Variants in PCDHGA11 observed in about 807,000 individuals in gnomAD.
PCDHGA11 encodes protocadherin gamma-A11.
A neutral mutation model predicts 60.4 loss-of-function variants in PCDHGA11; 39 were observed. The observed-to-expected ratio is 0.65, with a 90% CI of 0.50 to 0.84. PCDHGA11 has a LOEUF of 0.84. Among genes scored for constraint, PCDHGA11 ranks in the 40% least tolerant of loss-of-function variants. The probability of loss-of-function intolerance (pLI) is 0.00; values close to 1 mark genes in which losing one functional copy is unlikely to be tolerated. For synonymous variants in PCDHGA11, 533 were observed against 510.3 expected (o/e 1.04, Z -0.60); for missense variants, 1,165 against 1,197.7 (o/e 0.97, Z 0.40).
At position 141,489,425 on chromosome 5, in the gene PCDHGA11, G is replaced by C. The variant is rs779739693; in HGVS notation, c.2434-5382G>C. On this transcript the variant is annotated intron_variant, in intron 1 of 3. Transcript: ENST00000398587. This position sits in a 1 kb window ranked among gnomAD's most constrained non-coding sequence, Gnocchi z 4.5. ...TTAAAGATGACAGATCTGTTGAGCC[G>C]GCGGCTGCAATTGGGCTCTGAGGAG... The C allele has an allele frequency of 4.3e-6, 7 of 1,614,118 alleles. No individual in the cohort carries two copies. The highest frequency in any genetic ancestry group is 1.1e-5 in the South Asian group (1 of 91,070).
chr5:141,496,589 G>A (rs914585858), intron 2 of PCDHGA11, among the ~76,000 whole-genome samples: 7 of 152,124 alleles, frequency 4.6e-5, no homozygotes, highest in Admixed American at 6.5e-5. Flanking sequence ...AACGCAAAGC[G>A]CTTCTTAGAA....
At position 141,512,765 on chromosome 5, in the gene PCDHGA11, G is replaced by C. The variant is rs988707269; in HGVS notation, c.*1592G>C. 1 of 152,668 alleles carries C rather than the reference G, an allele frequency of 6.6e-6. No individual in the cohort carries two copies. The highest frequency in any genetic ancestry group is 1.5e-5 in the Non-Finnish European group (1 of 68,460). The allele number at this position is 152,668 out of a possible 1,614,324, so 9.5% of individuals were successfully genotyped here. On this transcript the variant is annotated 3_prime_UTR_variant, in exon 4 of 4. Transcript: ENST00000398587. ...CCGCGCAGCCGTCTGTCCTTGATCT[G>C]CCCGCGGCGGCCCGTGTTGTGTTTT...
At chr5:141,481,441 T>C (rs1397908285) in intron 1 of PCDHGA11, among the ~76,000 whole-genome samples, 1 of 152,250 alleles carries the variant, frequency 6.6e-6, no homozygotes, top group East Asian at 1.9e-4. Context: ...ATCAGTTTAG[T>C]ACATGTAAAT....
Position 141,423,558 on chromosome 5 carries a change from G to T in PCDHGA11, c.2331G>T (p.Gly777=). 2 of 1,613,580 alleles carry T rather than the reference G, an allele frequency of 1.2e-6. No homozygotes were observed. Among genetic ancestry groups the T allele is most frequent in the Non-Finnish European group, 1.7e-6 (2 of 1,179,696 alleles). ...TGATTTTCCCCCAGCCCAACTATGG[G>T]GACACGCTCATCAGCCAGGAGAGCT... The part of the protein sequence containing the change: ...SHLIFPQPNY[G]DTLISQESCE... Residue 777 remains glycine, a synonymous_variant, in exon 1 of 4, where the codon GGG becomes GGT. Transcript: ENST00000398587.
intron 1 of PCDHGA11, among the ~76,000 whole-genome samples, chr5:141,466,800 C>T (rs189985735): frequency 6.6e-6 from 1 of 152,240 alleles, no homozygotes; most frequent in East Asian, 1.9e-4. Context: ...AAACTAGATC[C>T]TATTCAGACA....
rs773899530 is a variant in PCDHGA11 at position 141,494,864 on chromosome 5, G to A, written c.2491G>A (p.Gly831Ser). 1.6e-5 allele frequency: 26 copies of A among 1,613,950 alleles called. No individual in the cohort carries two copies. The Admixed American group carries it at 3.5e-4, about 22-fold the overall frequency. Reference protein sequence around the residue: ...FSQAQRPGTSGSQNGDDTGTW... With the variant: ...FSQAQRPGTSSSQNGDDTGTW... ...TCAGGCCCAGAGACCCGGCACCAGC[G>A]GGTAGGTGACTGATTCTCCAGCCCA... Residue 831 changes from glycine to serine, a missense_variant and splice_region_variant, in exon 2 of 4, where the codon GGC (glycine) becomes AGC (serine). Gly to Ser is a moderately conservative substitution (Grantham distance 56, BLOSUM62 0). Coordinates refer to ENST00000398587, the MANE Select transcript of PCDHGA11 (RefSeq NM_018914.3).
At chr5:141,463,587 T>TA (rs2099064735) in intron 1 of PCDHGA11, among the ~76,000 whole-genome samples, 1 of 152,058 alleles carries the variant, frequency 6.6e-6, no homozygotes, top group East Asian at 1.9e-4. Context: ...TAGCTGGGAC[T>TA]ACAGGTGCCT....
In PCDHGA11 at chr5:141,490,052, A is replaced by G. The variant is rs774710472; in HGVS notation, c.2434-4755A>G. 11 of 1,614,098 alleles carry G rather than the reference A, an allele frequency of 6.8e-6. No homozygotes were observed. The highest frequency in any genetic ancestry group is 9.3e-6 in the Non-Finnish European group (11 of 1,180,014). On this transcript the variant is annotated intron_variant, in intron 1 of 3. Transcript: ENST00000398587. The surrounding 1 kb of genome is among the most constrained non-coding windows in gnomAD (Gnocchi z 5.4). ...CGCCTCAATGCCACTGATCCAGACG[A>G]GGGCACCAACGGCCAACTAGACTAT... is the stretch of plus-strand genomic sequence containing the variant.
intron 3 of PCDHGA11, among the ~76,000 whole-genome samples, chr5:141,506,904 C>T (rs55892286): frequency 0.2 from 30,589 of 152,050 alleles, 3,131 homozygotes; most frequent in Middle Eastern, 0.24. Flanking sequence ...ACTGTCATCA[C>T]ACCTGGGCAC....
chr5:141,446,130 CTT>C (rs1191897284), intron 1 of PCDHGA11, among the ~76,000 whole-genome samples: 2 of 152,076 alleles, frequency 1.3e-5, no homozygotes, highest in African/African-American at 4.8e-5. Context: ...TTCAATAAGA[CTT>C]AATAATGGAA....
Position 141,423,157 on chromosome 5 carries a change from G to C in PCDHGA11, c.1930G>C (p.Val644Leu), listed in dbSNP as rs527921011. The C allele has an allele frequency of 7.4e-6, 12 of 1,610,820 alleles. No homozygotes were observed. The South Asian group carries it at 1.2e-4, about 16-fold the overall frequency. ...LDRDALKQSL[V>L]VAVQDHGQPP... ...CAGAGACGCGCTCAAGCAGAGCCTC[G>C]TGGTGGCCGTCCAGGACCACGGCCA... Residue 644 changes from valine (V) to leucine (L), a missense_variant, in exon 1 of 4, where the codon GTG (valine) becomes CTG (leucine). Coordinates refer to ENST00000398587, the MANE Select transcript of PCDHGA11 (RefSeq NM_018914.3).
At chr5:141,427,635 C>T in intron 1 of PCDHGA11, 1 of 706,280 alleles carries the variant, frequency 1.4e-6, no homozygotes, top group African/African-American at 1.7e-5. Context: ...TCCGGTTTTC[C>T]ACCAAGTCTC....
At position 141,487,465 on chromosome 5, in the gene PCDHGA11, T is replaced by C. The variant is rs1354086784; in HGVS notation, c.2434-7342T>C. 1.9e-6 allele frequency: 3 copies of C among 1,614,194 alleles called. No individual in the cohort carries two copies. The highest frequency in any genetic ancestry group is 1.7e-6 in the Non-Finnish European group (2 of 1,180,020). Reference sequence around the variant, plus strand: ...CAGATGACCCTATCAAGTTTGTTGATGTGGGAGGCCACTCTCATGGCTGTA... The same window carrying C: ...CAGATGACCCTATCAAGTTTGTTGACGTGGGAGGCCACTCTCATGGCTGTA... On this transcript the variant is annotated intron_variant, in intron 1 of 3. Transcript: ENST00000398587. The surrounding 1 kb of genome is among the most constrained non-coding windows in gnomAD (Gnocchi z 5.0).
At position 141,431,215 on chromosome 5, in the gene PCDHGA11, C is replaced by G. The variant is rs1225114172; in HGVS notation, c.2433+7555C>G. 1 of 1,614,184 alleles carries G rather than the reference C, an allele frequency of 6.2e-7. No individual in the cohort carries two copies. Among genetic ancestry groups the G allele is most frequent in the Admixed American group, 1.7e-5 (1 of 60,032 alleles). On this transcript the variant is annotated intron_variant, in intron 1 of 3. Coordinates refer to ENST00000398587, the MANE Select transcript of PCDHGA11 (RefSeq NM_018914.3). This position sits in a 1 kb window ranked among gnomAD's most constrained non-coding sequence, Gnocchi z 4.8. ...AAAATGCAGCCACTGAGATGCGGTTCCCTCTACCCCACGCCTGGGATCCGG... is the reference window on the plus strand; with the variant it reads ...AAAATGCAGCCACTGAGATGCGGTTGCCTCTACCCCACGCCTGGGATCCGG...
Position 141,489,087 on chromosome 5 carries a change from TGA to T in PCDHGA11, c.2434-5719_2434-5718del. The T allele has an allele frequency of 4.6e-6, 1 of 216,098 alleles. No individual in the cohort carries two copies. 13.4% of individuals were successfully genotyped at this position (216,098 alleles called of 1,614,324 possible). ...CCCCCTGCCCACCCCCGCCACTCGGTGACTAAGAACTGCTGCAAGCAGGCAAA... is the reference window on the plus strand; with the variant it reads ...CCCCCTGCCCACCCCCGCCACTCGGTCTAAGAACTGCTGCAAGCAGGCAAA... On this transcript the variant is annotated intron_variant, in intron 1 of 3. Transcript: ENST00000398587. The surrounding 1 kb of genome is among the most constrained non-coding windows in gnomAD (Gnocchi z 4.5).
At chr5:141,502,191 A>G (rs2099813218) in intron 2 of PCDHGA11, among the ~76,000 whole-genome samples, 1 of 152,170 alleles carries the variant, frequency 6.6e-6, no homozygotes, top group Non-Finnish European at 1.5e-5. Flanking sequence ...TAATACAATA[A>G]TATAGAATCC....
chr5:141,437,355 A>C (rs2097877902), intron 1 of PCDHGA11, among the ~76,000 whole-genome samples: 1 of 152,238 alleles, frequency 6.6e-6, no homozygotes, highest in Non-Finnish European at 1.5e-5. Flanking sequence ...ATAGTACCTA[A>C]AATTGGAATG....
In PCDHGA11 at chr5:141,487,268, G is replaced by A; in HGVS notation, c.2434-7539G>A. ...CCTCTACTTGGCTGTGTCCCTAGTG[G>A]CAATTTGCTTTGTCTCCTTTGGCTC... On this transcript the variant is annotated intron_variant, in intron 1 of 3. Transcript: ENST00000398587. This position sits in a 1 kb window ranked among gnomAD's most constrained non-coding sequence, Gnocchi z 5.0. 4 of 1,614,100 alleles carry A rather than the reference G, an allele frequency of 2.5e-6. No homozygotes were observed. The South Asian group carries it at 4.4e-5, about 18-fold the overall frequency.
intron 3 of PCDHGA11, among the ~76,000 whole-genome samples, chr5:141,509,398 G>A (rs1218925417): frequency 6.6e-6 from 1 of 152,106 alleles, no homozygotes; most frequent in Admixed American, 6.5e-5. Context: ...GGATCTCAGG[G>A]CCTCCAGCAG....
Sources: allele counts gnomAD v4.1 joint callset (sites outside exome capture counted in the v4.1 genomes callset), GRCh38; gene constraint gnomAD v4.1.1; non-coding constraint Gnocchi (gnomAD v3.1); transcripts MANE v1.5; gene names NCBI Gene and HGNC (gene_info 2026-07-23, HGNC 2026-07-21).